The following CMYA5 variants were observed in gnomAD, a reference collection of about 807,000 sequenced individuals.
The protein encoded by CMYA5 is cardiomyopathy-associated protein 5.
Under a neutral mutation model 318.9 loss-of-function variants are expected in CMYA5, and 246 were observed. That is an observed-to-expected ratio of 0.77 (90% CI 0.70 to 0.86). CMYA5 has a LOEUF of 0.86. Ranked by LOEUF, CMYA5 falls within the 40% of genes least tolerant of loss-of-function variation. The pLI, the probability that CMYA5 is intolerant of heterozygous loss-of-function variation, is 0.00. For synonymous variants in CMYA5, 1,641 were observed against 1,729.5 expected (o/e 0.95, Z 1.27); for missense variants, 4,589 against 4,678.2 (o/e 0.98, Z 0.56).
chr5:79,710,897 G>A (rs1174799006), intron 1 of CMYA5, among the ~76,000 whole-genome samples: 1 of 152,092 alleles, frequency 6.6e-6, no homozygotes, highest in Non-Finnish European at 1.5e-5. Context: ...GAATCTTATG[G>A]GAAATTCAGC....
intron 9 of CMYA5, among the ~76,000 whole-genome samples, chr5:79,777,815 T>G (rs999970308): frequency 6.6e-6 from 1 of 151,990 alleles, no homozygotes; most frequent in Non-Finnish European, 1.5e-5. Flanking sequence ...TAAGTTTTAT[T>G]TTATTGTTTT....
At chr5:79,692,987 A>C (rs1261475968) in intron 1 of CMYA5, among the ~76,000 whole-genome samples, 1 of 152,230 alleles carries the variant, frequency 6.6e-6, no homozygotes, top group East Asian at 1.9e-4. Flanking sequence ...TAGTTGGAGA[A>C]ACAGAAAAAC....
intron 10 of CMYA5, among the ~76,000 whole-genome samples, chr5:79,789,763 AT>A (rs1394352316): frequency 6.6e-6 from 1 of 152,016 alleles, no homozygotes. Flanking sequence ...ATGTGTTATA[AT>A]TTGTGGATAT....
intron 3 of CMYA5, 122 bp from the exon 4 acceptor site, chr5:79,745,100 T>G: frequency 1.5e-6 from 1 of 647,486 alleles, no homozygotes; most frequent in South Asian, 2.0e-5. Context: ...GCATGTGATG[T>G]CTGATTCTCT....
intron 7 of CMYA5, among the ~76,000 whole-genome samples, chr5:79,760,966 C>T (rs1442025575): frequency 6.6e-6 from 1 of 152,038 alleles, no homozygotes. Flanking sequence ...TTTAAAGAAA[C>T]AGTCTGGGTT....
chr5:79,748,764 G>C (rs1828380391), intron 5 of CMYA5, among the ~76,000 whole-genome samples: 1 of 152,048 alleles, frequency 6.6e-6, no homozygotes, highest in Non-Finnish European at 1.5e-5. Context: ...GGCTGATCTT[G>C]AACTCCTCAG....
chr5:79,712,464 C>T (rs1341448117), intron 1 of CMYA5, among the ~76,000 whole-genome samples: 1 of 152,138 alleles, frequency 6.6e-6, no homozygotes, highest in South Asian at 2.1e-4. Context: ...CCACCCTCCT[C>T]AGCCTCCCGA....
intron 8 of CMYA5, 94 bp downstream of exon 8, chr5:79,762,051 TTGTG>T (rs756222958): frequency 9.4e-6 from 13 of 1,377,424 alleles, no homozygotes; most frequent in Non-Finnish European, 1.3e-5. Flanking sequence ...TAAGCACCTA[TTGTG>T]TGTTGAGTGT....
In CMYA5 at chr5:79,735,427, G is replaced by A. The variant is rs754503562; in HGVS notation, c.6662G>A (p.Gly2221Asp). Reference sequence around the variant, plus strand: ...GCAGTGACTGTGATAGATCCTGAAGGTACAATTCCCACCAATTTTAATGTA... The same window carrying A: ...GCAGTGACTGTGATAGATCCTGAAGATACAATTCCCACCAATTTTAATGTA... Reference protein sequence around the residue: ...EKAVTVIDPEGTIPTNFNVAE... With the variant: ...EKAVTVIDPEDTIPTNFNVAE... The change falls in exon 2 of 13, where the codon GGT (glycine) becomes GAT (aspartate). Residue 2221 changes from glycine to aspartate, a missense_variant. Physicochemically the swap from Gly to Asp is moderately conservative, Grantham distance 94. Transcript: ENST00000446378. 1.9e-6 allele frequency: 3 copies of A among 1,613,822 alleles called. No individual in the cohort carries two copies. The South Asian group carries it at 3.3e-5, about 18-fold the overall frequency.
intron 1 of CMYA5, among the ~76,000 whole-genome samples, chr5:79,702,222 C>T (rs576906516): frequency 6.6e-6 from 1 of 152,218 alleles, no homozygotes; most frequent in South Asian, 2.1e-4. Flanking sequence ...CATGGCGAGA[C>T]CCTGTTTTTA....
Position 79,730,508 on chromosome 5 carries a change from AAG to A in CMYA5, c.1748_1749del (p.Glu583GlyfsTer24), listed in dbSNP as rs746275998. On this transcript the variant is annotated frameshift_variant, in exon 2 of 13. Coordinates refer to ENST00000446378, the MANE Select transcript of CMYA5 (RefSeq NM_153610.5). LOFTEE classifies it high-confidence loss of function. ...PEHVALSEEE[R>X]EEIASVSTGS... Reference sequence around the variant, plus strand: ...AACATGTTGCTTTGTCTGAGGAAGAAAGAGAGGAAATTGCATCTGTTTCTACT... The same window carrying A: ...AACATGTTGCTTTGTCTGAGGAAGAAAGAGGAAATTGCATCTGTTTCTACT... 27 of 1,613,816 alleles carry A rather than the reference AAG, an allele frequency of 1.7e-5. No homozygotes were observed. The South Asian group carries it at 2.9e-4, about 17-fold the overall frequency.
chr5:79,737,348 G>A lies in CMYA5; in HGVS notation c.8583G>A (p.Val2861=). The change falls in exon 2 of 13, where the codon GTG becomes GTA. Residue 2861 remains valine, a synonymous_variant. Transcript: ENST00000446378. ...IQTSKDDTSD[V]PKQSVLVSKH... is the part of the protein sequence containing the mutation. ...CATCTAAAGATGACACATCCGATGT[G>A]CCTAAACAATCTGTTCTTGTTTCAA... 6.2e-6 allele frequency: 10 copies of A among 1,613,838 alleles called. No homozygotes were observed. Among genetic ancestry groups the A allele is most frequent in the Non-Finnish European group, 8.5e-6 (10 of 1,179,826 alleles).
At chr5:79,705,497 C>T (rs1370641785) in intron 1 of CMYA5, among the ~76,000 whole-genome samples, 1 of 151,682 alleles carries the variant, frequency 6.6e-6, no homozygotes, top group Non-Finnish European at 1.5e-5. Flanking sequence ...TACCATTAGT[C>T]CTTAATCACC....
chr5:79,743,845 C>T lies in CMYA5; in HGVS notation c.10657C>T (p.Leu3553=). ...SAVKVQLAEF[L]ENLQEKSLRI... ...TCTTCAGGTTCAATTAGCAGAATTT[C>T]TAGAAAATTTACAAGAAAAGTCCTT... The change falls in exon 3 of 13, where the codon CTA becomes TTA. Residue 3553 remains leucine (L), a synonymous_variant. Coordinates refer to ENST00000446378, the MANE Select transcript of CMYA5 (RefSeq NM_153610.5). The T allele has an allele frequency of 2.6e-6, 4 of 1,539,260 alleles. No homozygotes were observed. Among genetic ancestry groups the T allele is most frequent in the Middle Eastern group, 1.7e-4 (1 of 5,942 alleles).
chr5:79,753,738 C>T (rs1337086002), intron 6 of CMYA5, among the ~76,000 whole-genome samples: 1 of 122,270 alleles, frequency 8.2e-6, no homozygotes, highest in African/African-American at 2.9e-5. Flanking sequence ...AAGACAAAAA[C>T]AACACGACAC....
At chr5:79,767,428 T>G (rs530464371) in intron 9 of CMYA5, among the ~76,000 whole-genome samples, 3 of 152,352 alleles carry the variant, frequency 2.0e-5, no homozygotes, top group South Asian at 4.1e-4. Flanking sequence ...CCACTTTCTC[T>G]TGTGGGCATT....
chr5:79,715,508 C>T (rs1404336169), intron 1 of CMYA5, among the ~76,000 whole-genome samples: 3 of 152,104 alleles, frequency 2.0e-5, no homozygotes, highest in South Asian at 2.1e-4. Context: ...AGGATGGTCT[C>T]GATCTCCTGA....
intron 1 of CMYA5, among the ~76,000 whole-genome samples, chr5:79,699,414 A>G (rs1036403613): frequency 6.6e-6 from 1 of 152,186 alleles, no homozygotes; most frequent in African/African-American, 2.4e-5. Flanking sequence ...GTCCATAGGG[A>G]GAGATGAATA....
At position 79,789,016 on chromosome 5, in the gene CMYA5, A is replaced by G. The variant is rs1220471970; in HGVS notation, c.11601A>G (p.Gln3867=). ...IKGLQLKVNL[Q]PNDNYFFYVR... ...GACTCCAGCTGAAAGTTAACCTCCA[A>G]CCCAATGATAACTACTTTTTCTATG... is the stretch of plus-strand genomic sequence containing the variant. Residue 3867 remains glutamine, a synonymous_variant, in exon 10 of 13, where the codon CAA becomes CAG. Transcript: ENST00000446378. 1.9e-6 allele frequency: 3 copies of G among 1,613,728 alleles called. No homozygotes were observed. In the Admixed American group the frequency reaches 5.0e-5, roughly 27 times the overall value.
Sources: gnomAD v4.1 joint callset for allele counts (sites outside exome capture counted in the v4.1 genomes callset) on GRCh38, gnomAD v4.1.1 for gene constraint, MANE v1.5 for transcripts, NCBI Gene and HGNC (gene_info 2026-07-23, HGNC 2026-07-21) for gene names.